OR2A7: variants seen among roughly 807,000 people sequenced by gnomAD.
OR2A7 encodes the protein olfactory receptor family 2 subfamily A member 7.
For missense variants in OR2A7, 35 were observed against 359.2 expected (o/e 0.10, Z 7.30); for synonymous variants, 10 against 147.1 (o/e 0.07, Z 6.74).
At chr7:144,261,501 G>GA (rs1403931782) in intron 1 of OR2A7, among the ~76,000 whole-genome samples, 3 of 150,434 alleles carry the variant, frequency 2.0e-5, no homozygotes, top group Non-Finnish European at 3.0e-5. Flanking sequence ...GTAATTATAT[G>GA]AAAAAAAAAT....
intron 1 of OR2A7, among the ~76,000 whole-genome samples, chr7:144,262,108 C>CT (rs2052654978): frequency 6.6e-6 from 1 of 151,622 alleles, no homozygotes; most frequent in Admixed American, 6.7e-5. Context: ...ATAGGCTTCA[C>CT]TTGCACCAGC....
intron 1 of OR2A7, among the ~76,000 whole-genome samples, chr7:144,262,064 A>T (rs1160364265): frequency 1.3e-5 from 2 of 151,610 alleles, no homozygotes; most frequent in East Asian, 3.9e-4. Flanking sequence ...GTACCTTCCA[A>T]TTATCATGAG....
chr7:144,260,890 CTGAT>C (rs1359713469), intron 1 of OR2A7, among the ~76,000 whole-genome samples: 1 of 148,718 alleles, frequency 6.7e-6, no homozygotes, highest in Non-Finnish European at 1.5e-5. Flanking sequence ...TCTGAATTCT[CTGAT>C]TGAACTCAGG....
chr7:144,260,111 G>GAAA (rs1162605720), intron 1 of OR2A7, among the ~76,000 whole-genome samples: 56 of 87,588 alleles, frequency 6.4e-4, no homozygotes, highest in South Asian at 1.3e-3. Context: ...TCTGTCTCCA[G>GAAA]AAAAAAAAAA....
At chr7:144,260,132 A>G (rs2052624233) in intron 1 of OR2A7, among the ~76,000 whole-genome samples, 2 of 123,912 alleles carry the variant, frequency 1.6e-5, no homozygotes. Flanking sequence ...AAAAAAAAAG[A>G]AAAGGAAAAA....
At chr7:144,259,687 C>A (rs2052616641) in intron 1 of OR2A7, 55 bp from the exon 2 acceptor site, 1 of 1,044,326 alleles carries the variant, frequency 9.6e-7, no homozygotes, top group Admixed American at 2.3e-5. Flanking sequence ...TGTTTAAAAA[C>A]AGATTCATTT....
At chr7:144,260,651 C>T in intron 1 of OR2A7, among the ~76,000 whole-genome samples, 1 of 151,894 alleles carries the variant, frequency 6.6e-6, no homozygotes, top group Non-Finnish European at 1.5e-5. Context: ...TAGCCCAGAA[C>T]CTTATTTTTT....
intron 1 of OR2A7, among the ~76,000 whole-genome samples, chr7:144,263,795 G>T (rs2052669553): frequency 8.2e-6 from 1 of 122,236 alleles, no homozygotes; most frequent in Admixed American, 1.0e-4. Context: ...GGATTTCTAT[G>T]TAGAAAGTCA....
At chr7:144,261,455 T>C (rs558063127) in intron 1 of OR2A7, among the ~76,000 whole-genome samples, 19 of 151,492 alleles carry the variant, frequency 1.3e-4, no homozygotes, top group African/African-American at 4.3e-4. Context: ...CTGGGCAGCA[T>C]AGAGACCTCA....
Position 144,258,490 on chromosome 7 carries a change from A to G in OR2A7, c.*206T>C. On this transcript the variant is annotated 3_prime_UTR_variant, in exon 2 of 2. Transcript: ENST00000641841. ...GTGGAGTGGCTGCAGCACAACTTGA[A>G]GAGATCAATTTCTAGAATTTCATCC... is the stretch of plus-strand genomic sequence containing the variant. The G allele has an allele frequency of 2.5e-6, 1 of 405,262 alleles. No homozygotes were observed. Among genetic ancestry groups the G allele is most frequent in the Non-Finnish European group, 4.2e-6 (1 of 239,338 alleles). The allele number at this position is 405,262 out of a possible 1,614,324, so 25.1% of individuals were successfully genotyped here.
At chr7:144,260,117 A>G (rs2052623512) in intron 1 of OR2A7, among the ~76,000 whole-genome samples, 3 of 129,368 alleles carry the variant, frequency 2.3e-5, no homozygotes, top group African/African-American at 5.6e-5. Context: ...TCCAGAAAAA[A>G]AAAAAAAAAA....
In OR2A7 at chr7:144,259,579, G is replaced by A. The variant is rs2128825271; in HGVS notation, c.50C>T (p.Pro17Leu). Residue 17 changes from proline to leucine, a missense_variant, in exon 2 of 2, where the codon CCC becomes CTC. Coordinates refer to ENST00000641841, the MANE Select transcript of OR2A7 (RefSeq NM_001005328.2). ...SITEFLLLGF[P>L]VGPRIQMLLF... ...GAGCATCTGAATCCTTGGGCCAACG[G>A]GAAATCCCAGTAGGAGGAACTCTGT... The A allele has an allele frequency of 6.2e-7, 1 of 1,612,818 alleles. No homozygotes were observed. Among genetic ancestry groups the A allele is most frequent in the Non-Finnish European group, 8.5e-7 (1 of 1,179,816 alleles).
intron 1 of OR2A7, among the ~76,000 whole-genome samples, chr7:144,261,751 G>T (rs1253719400): frequency 6.6e-6 from 1 of 151,744 alleles, no homozygotes; most frequent in African/African-American, 2.4e-5. Context: ...TAAGAGAGTA[G>T]AAATGTACTT....
intron 1 of OR2A7, among the ~76,000 whole-genome samples, chr7:144,261,223 G>T (rs568477540): frequency 6.6e-6 from 1 of 151,804 alleles, no homozygotes; most frequent in East Asian, 1.9e-4. Context: ...TCTAAACTTT[G>T]AGCTCCTAAT....
chr7:144,264,538 G>A (rs1235458020), intron 1 of OR2A7, among the ~76,000 whole-genome samples, 163 bp downstream of exon 1: 1 of 152,182 alleles, frequency 6.6e-6, no homozygotes, highest in East Asian at 1.9e-4. Flanking sequence ...TGAGATTACA[G>A]GTGTGAGCCA....
At chr7:144,261,879 T>G (rs1436913395) in intron 1 of OR2A7, among the ~76,000 whole-genome samples, 1 of 152,020 alleles carries the variant, frequency 6.6e-6, no homozygotes, top group African/African-American at 2.4e-5. Context: ...AGATGACTGC[T>G]GTGTAAGAAC....
chr7:144,264,583 C>T (rs1353060602), intron 1 of OR2A7, 118 bp downstream of exon 1: 7 of 151,848 alleles, frequency 4.6e-5, no homozygotes, highest in Non-Finnish European at 2.9e-5. Flanking sequence ...TTAGAGTGCA[C>T]TCCTTTTACT....
At chr7:144,260,335 G>C (rs1456668382) in intron 1 of OR2A7, among the ~76,000 whole-genome samples, 1 of 150,466 alleles carries the variant, frequency 6.6e-6, no homozygotes, top group Non-Finnish European at 1.5e-5. Flanking sequence ...GATTCAGTGA[G>C]CTATCTCATA....
At chr7:144,260,717 T>C (rs547435108) in intron 1 of OR2A7, among the ~76,000 whole-genome samples, 2 of 152,040 alleles carry the variant, frequency 1.3e-5, no homozygotes, top group African/African-American at 4.8e-5. Context: ...ACTGAATAGA[T>C]TTGCACCGTG....
Sources: gnomAD v4.1 joint callset for allele counts (sites outside exome capture counted in the v4.1 genomes callset) on GRCh38, gnomAD v4.1.1 for gene constraint, MANE v1.5 for transcripts, NCBI Gene and HGNC (gene_info 2026-07-23, HGNC 2026-07-21) for gene names.